MS4A13: variants seen among roughly 807,000 people sequenced by gnomAD.
MS4A13 encodes the protein membrane-spanning 4-domains subfamily A member 13.
In MS4A13, 21 loss-of-function variants were observed where a neutral mutation model predicts 18.4. That is an observed-to-expected ratio of 1.14 (90% CI 0.81 to 1.64). The LOEUF is 1.64. Among genes scored for constraint, MS4A13 ranks in the 40% most tolerant of loss-of-function variants. The probability of loss-of-function intolerance (pLI) is 0.00; values close to 1 mark genes in which losing one functional copy is unlikely to be tolerated. For synonymous variants in MS4A13, 62 were observed against 57.2 expected, an observed-to-expected ratio of 1.08 and a Z score of -0.38; for missense variants, 173 against 176.8, an observed-to-expected ratio of 0.98 and a Z score of 0.12.
chr11:60,538,745 GAC>G (rs2086832771), intron 6 of MS4A13, among the ~76,000 whole-genome samples: 2 of 143,134 alleles, frequency 1.4e-5, no homozygotes, highest in Admixed American at 1.4e-4. Context: ...TATGTTACAT[GAC>G]ACAGCAAAAA....
intron 6 of MS4A13, among the ~76,000 whole-genome samples, chr11:60,529,716 C>A (rs2086750284): frequency 6.6e-6 from 1 of 151,950 alleles, no homozygotes; most frequent in Admixed American, 6.5e-5. Flanking sequence ...TCATCGTATC[C>A]ACACATCCAA....
rs1487584952 is a variant in MS4A13, at chr11:60,542,597, T to TTTGCTG, written c.*29_*34dup. The TTTGCTG allele has an allele frequency of 1.9e-6, 3 of 1,556,636 alleles. No homozygotes were observed. The highest frequency in any genetic ancestry group is 4.5e-5 in the East Asian group (2 of 44,418). ...TTAAAAACCCTAGAAATATGAGAAT[T>TTTGCTG]TTGCTGTTGCTGATGCCTGGTGTGG... is the stretch of plus-strand genomic sequence containing the variant. On this transcript the variant is annotated 3_prime_UTR_variant, in exon 7 of 7. Coordinates refer to ENST00000378186, the MANE Select transcript of MS4A13 (RefSeq NM_001012417.3).
intron 5 of MS4A13, among the ~76,000 whole-genome samples, chr11:60,525,884 T>C (rs2086710141): frequency 7.9e-6 from 1 of 126,512 alleles, no homozygotes; most frequent in Non-Finnish European, 1.7e-5. Flanking sequence ...TTTATTTTAA[T>C]TATATTGGCT....
intron 1 of MS4A13, 89 bp downstream of exon 1, chr11:60,515,696 C>T (rs2086632701): frequency 6.6e-6 from 1 of 152,228 alleles, no homozygotes; most frequent in Admixed American, 6.5e-5. Context: ...CCCTATCATA[C>T]TCTGTAAACA....
At chr11:60,519,922 G>A (rs1264777943) in intron 3 of MS4A13, among the ~76,000 whole-genome samples, 1 of 152,174 alleles carries the variant, frequency 6.6e-6, no homozygotes, top group Non-Finnish European at 1.5e-5. Context: ...AGCAGGTGAT[G>A]ATCAGGTGGA....
At chr11:60,538,982 A>G (rs550338678) in intron 6 of MS4A13, among the ~76,000 whole-genome samples, 37 of 134,074 alleles carry the variant, frequency 2.8e-4, no homozygotes, top group Middle Eastern at 3.5e-3. Flanking sequence ...AAAGAAATGG[A>G]GCCATCAGTT....
At chr11:60,530,887 C>T (rs1590876930) in intron 6 of MS4A13, among the ~76,000 whole-genome samples, 1 of 151,318 alleles carries the variant, frequency 6.6e-6, no homozygotes, top group African/African-American at 2.4e-5. Flanking sequence ...TTCACTCAGT[C>T]TTCTTTCTCC....
In MS4A13 at chr11:60,521,419, A is replaced by C. The variant is rs372109533; in HGVS notation, c.130-2478A>C. On this transcript the variant is annotated intron_variant, in intron 3 of 6. Coordinates refer to ENST00000378186, the MANE Select transcript of MS4A13 (RefSeq NM_001012417.3). ...TATAAAACTGAATGCCTTTAACAGC[A>C]TCCAAGTCACCTCTTGAAAGGTTTG... 7.2e-5 allele frequency among the ~76,000 whole-genome samples: 11 copies of C among 152,218 alleles called. No individual in the cohort carries two copies. In the East Asian group the frequency reaches 1.9e-3, roughly 27 times the overall value.
intron 3 of MS4A13, among the ~76,000 whole-genome samples, chr11:60,523,169 G>A (rs2086689243): frequency 1.3e-5 from 2 of 152,196 alleles, no homozygotes; most frequent in South Asian, 4.1e-4. Context: ...TCCATGGGAA[G>A]TTTGTAAGCT....
intron 3 of MS4A13, 31 bp downstream of exon 3, chr11:60,518,243 C>A: frequency 1.3e-6 from 2 of 1,537,396 alleles, no homozygotes; most frequent in African/African-American, 1.4e-5. Flanking sequence ...TTGCTTTAAT[C>A]ATACAATAAA....
intron 3 of MS4A13, among the ~76,000 whole-genome samples, chr11:60,522,249 T>G (rs56117149): frequency 2.7e-5 from 4 of 150,670 alleles, no homozygotes; most frequent in Non-Finnish European, 4.4e-5. Context: ...GATGTATATA[T>G]ATAGATATAT....
intron 3 of MS4A13, among the ~76,000 whole-genome samples, chr11:60,523,064 A>G (rs572477124): frequency 1.4e-4 from 21 of 152,330 alleles, no homozygotes; most frequent in African/African-American, 5.1e-4. Flanking sequence ...TTTTCACTTT[A>G]AATTCTGAGC....
At chr11:60,531,521 T>C (rs1198082625) in intron 6 of MS4A13, among the ~76,000 whole-genome samples, 1 of 152,222 alleles carries the variant, frequency 6.6e-6, no homozygotes, top group Non-Finnish European at 1.5e-5. Context: ...TTTGAATATA[T>C]TGCTCAAGCT....
At chr11:60,528,585 A>G (rs1209935056) in intron 5 of MS4A13, among the ~76,000 whole-genome samples, 1 of 152,236 alleles carries the variant, frequency 6.6e-6, no homozygotes, top group East Asian at 1.9e-4. Flanking sequence ...AAAGATATTA[A>G]ATAAACCAAA....
chr11:60,516,168 A>ATTT (rs2086635983), intron 2 of MS4A13, 84 bp downstream of exon 2: 1 of 150,844 alleles, frequency 6.6e-6, no homozygotes, highest in South Asian at 2.1e-4. Flanking sequence ...AAAGGGGGAC[A>ATTT]GACTTGGTTA....
At chr11:60,542,359 G>A (rs1250817894) in intron 6 of MS4A13, among the ~76,000 whole-genome samples, 160 bp from the exon 7 acceptor site, 1 of 152,000 alleles carries the variant, frequency 6.6e-6, no homozygotes, top group Non-Finnish European at 1.5e-5. Context: ...AAGGAAGAAA[G>A]AAATAAGGTT....
At chr11:60,529,552 T>C in intron 6 of MS4A13, 92 bp downstream of exon 6, 2 of 565,890 alleles carry the variant, frequency 3.5e-6, no homozygotes. Context: ...ATACAAAATA[T>C]TTAGAACTAA....
At position 60,518,072 on chromosome 11, in the gene MS4A13, A is replaced by T; in HGVS notation, c.-12A>T. 1.3e-6 allele frequency: 2 copies of T among 1,583,232 alleles called. No homozygotes were observed. The highest frequency in any genetic ancestry group is 2.3e-5 in the South Asian group (2 of 87,416). ...TACTAACATAATTCTCTTCTCACAG[A>T]CTATCCAGATTATGATTGGCATCTT... is the stretch of plus-strand genomic sequence containing the variant. On this transcript the variant is annotated splice_region_variant and 5_prime_UTR_variant, in exon 3 of 7. Coordinates refer to ENST00000378186, the MANE Select transcript of MS4A13 (RefSeq NM_001012417.3).
intron 6 of MS4A13, among the ~76,000 whole-genome samples, chr11:60,538,180 AAAAAAAAAAAACG>A (rs1337638899): frequency 6.6e-6 from 1 of 150,906 alleles, no homozygotes; most frequent in Admixed American, 6.6e-5. Flanking sequence ...AGTATAATAA[AAAAAAAAAAAACG>A]AAAAAAAAAA....
Sources: allele counts gnomAD v4.1 joint callset (sites outside exome capture counted in the v4.1 genomes callset), GRCh38; gene constraint gnomAD v4.1.1; transcripts MANE v1.5; gene names NCBI Gene and HGNC (gene_info 2026-07-23, HGNC 2026-07-21).